Variants in MYH7 observed in about 807,000 individuals in gnomAD.
MYH7 encodes the protein myosin heavy chain 7.
In MYH7, 129 loss-of-function variants were observed where a neutral mutation model predicts 225.4. That is an observed-to-expected ratio of 0.57 (90% confidence interval 0.50 to 0.66). MYH7 has a LOEUF of 0.66. Among genes scored for constraint, MYH7 ranks in the 30% least tolerant of loss-of-function variants. MYH7 has a pLI of 0.00. For synonymous variants in MYH7, 971 were observed against 1,007.6 expected (o/e 0.96, Z 0.69); for missense variants, 1,649 against 2,517.0 (o/e 0.66, Z 7.38).
rs928434419 is a variant in MYH7 at position 23,425,455 on chromosome 14, G to C, written c.2287-37C>G. ...GTGTGTGTTGGCCATGACTAGGGAG[G>C]GGTACGAGGGAAAGAGATGGTGGGG... On this transcript the variant is annotated intron_variant, in intron 20 of 39. Transcript: ENST00000355349. This position sits in a 1 kb window ranked among gnomAD's most constrained non-coding sequence, Gnocchi z 4.6. 54 of 1,613,812 alleles carry C rather than the reference G, an allele frequency of 3.3e-5. No homozygotes were observed. The highest frequency in any genetic ancestry group is 4.3e-5 in the Non-Finnish European group (51 of 1,180,030).
Position 23,416,966 on chromosome 14 carries a change from A to G in MYH7, c.4546T>C (p.Leu1516=). ...TGGATAGTCTTTCCGCTGGAACCCA[A>G]CTGCTCAGTCAAGTCGGAGATCTCC... ...QEEISDLTEQ[L]GSSGKTIHEL... is the part of the protein sequence containing the mutation. The change falls in exon 33 of 40, where the codon TTG becomes CTG. Residue 1516 remains leucine, a synonymous_variant. Coordinates refer to ENST00000355349, the MANE Select transcript of MYH7 (RefSeq NM_000257.4). 1 of 1,614,162 alleles carries G rather than the reference A, an allele frequency of 6.2e-7. No individual in the cohort carries two copies. The highest frequency in any genetic ancestry group is 2.2e-5 in the East Asian group (1 of 44,884).
In MYH7 at chr14:23,422,586, TCTTTCTTTCTCTC is replaced by T. The variant is rs534442434; in HGVS notation, c.3100-274_3100-262del. On this transcript the variant is annotated intron_variant, in intron 24 of 39. Transcript: ENST00000355349. ...CTTTCTTTCTTTCCCTTTCTTTCTT[TCTTTCTTTCTCTC>T]CTTTCTTTCTCTCCTTCCTTCCTTC... Among the ~76,000 whole-genome samples, 18,642 of 148,264 alleles carry T rather than the reference TCTTTCTTTCTCTC, an allele frequency of 0.13. 1,817 individuals are homozygous for T. The highest frequency in any genetic ancestry group is 0.28 in the African/African-American group (10,774 of 38,808).
At chr14:23,422,925 G>A (rs2138660865) in intron 24 of MYH7, among the ~76,000 whole-genome samples, 1 of 152,298 alleles carries the variant, frequency 6.6e-6, no homozygotes, top group Non-Finnish European at 1.5e-5. Context: ...CACCGCGGCT[G>A]GCCGCCGTAT....
At chr14:23,421,660 A>T (rs924918689) in intron 25 of MYH7, 8 of 759,922 alleles carry the variant, frequency 1.1e-5, no homozygotes, top group Non-Finnish European at 1.1e-5. Flanking sequence ...ATGTTCTGCA[A>T]GCTCACTGTT....
In MYH7 at chr14:23,433,205, T is replaced by C. The variant is rs749687044; in HGVS notation, c.224A>G (p.Gln75Arg). 1 of 1,614,166 alleles carries C rather than the reference T, an allele frequency of 6.2e-7. No individual in the cohort carries two copies. The highest frequency in any genetic ancestry group is 8.5e-7 in the Non-Finnish European group (1 of 1,180,020). Residue 75 changes from glutamine to arginine, a missense_variant, in exon 4 of 40, where the codon CAG becomes CGG. By Grantham distance (43) the Gln-to-Arg change is conservative (BLOSUM62 1). Around this residue, in one of 12 missense-constraint regions of MYH7, gnomAD observed 91 missense variants for 96.5 expected, o/e 0.94. Coordinates refer to ENST00000355349, the MANE Select transcript of MYH7 (RefSeq NM_000257.4). This position sits in a 1 kb window ranked among gnomAD's most constrained non-coding sequence, Gnocchi z 4.1. ...YGKTVTVKEDQVMQQNPPKFD... is the reference protein window; with the variant it reads ...YGKTVTVKEDRVMQQNPPKFD... ...CTTGGGTGGGTTCTGCTGCATCACC[T>C]GGTCCTCCTTCACGGTCACTGTCTG...
intron 29 of MYH7, 41 bp from the exon 30 acceptor site, chr14:23,418,447 C>G: frequency 6.4e-7 from 1 of 1,567,686 alleles, no homozygotes; most frequent in Non-Finnish European, 8.6e-7. Context: ...TCAGCTTTCT[C>G]CATAAAGCAA....
chr14:23,425,339 T>C lies in MYH7; in HGVS notation c.2366A>G (p.Gln789Arg). 6.2e-7 allele frequency: 1 copy of C among 1,614,208 alleles called. No homozygotes were observed. The highest frequency in any genetic ancestry group is 8.5e-7 in the Non-Finnish European group (1 of 1,180,042). Residue 789 changes from glutamine (Q) to arginine (R), a missense_variant, in exon 21 of 40, where the codon CAG (glutamine) becomes CGG (arginine). By Grantham distance (43) the Gln-to-Arg change is conservative (BLOSUM62 1). This residue lies in a region of MYH7 where 36 missense variants were observed against 43.2 expected (regional missense o/e 0.83). Transcript: ENST00000355349. This position sits in a 1 kb window ranked among gnomAD's most constrained non-coding sequence, Gnocchi z 4.6. ...GGCGAGCACACCTCGGGACTGGGCCTGGATACGCGTGATGATGCGGCTCAG... is the reference window on the plus strand; with the variant it reads ...GGCGAGCACACCTCGGGACTGGGCCCGGATACGCGTGATGATGCGGCTCAG... ...ERLSRIITRI[Q>R]AQSRGVLARM...
intron 39 of MYH7, 147 bp downstream of exon 39, chr14:23,413,612 C>A: frequency 2.0e-5 from 19 of 934,658 alleles, no homozygotes; most frequent in Non-Finnish European, 2.7e-5. Context: ...TCCTTGAAAT[C>A]ACAGAGAACT....
Position 23,433,765 on chromosome 14 carries a change from C to T in MYH7, c.-8-25G>A, listed in dbSNP as rs3729992. The T allele has an allele frequency of 1.2e-6, 2 of 1,610,142 alleles. No individual in the cohort carries two copies. Among genetic ancestry groups the T allele is most frequent in the African/African-American group, 1.3e-5 (1 of 74,874 alleles). ...CCTGGAGTGAGCAGAAGCTGGCTGC[C>T]CTCCCATCTGCCCATTCTTCCCTTC... On this transcript the variant is annotated intron_variant, in intron 2 of 39. Coordinates refer to ENST00000355349, the MANE Select transcript of MYH7 (RefSeq NM_000257.4). This position sits in a 1 kb window ranked among gnomAD's most constrained non-coding sequence, Gnocchi z 4.1.
intron 22 of MYH7, among the ~76,000 whole-genome samples, chr14:23,424,488 G>A (rs1336810154): frequency 1.3e-5 from 2 of 152,220 alleles, no homozygotes; most frequent in Non-Finnish European, 2.9e-5. Context: ...AGAGGAAATT[G>A]AGGCTCAAAG....
Position 23,414,023 on chromosome 14 carries a change from C to A in MYH7, c.5639G>T (p.Arg1880Leu). The change falls in exon 38 of 40, where the codon CGC (arginine) becomes CTC (leucine). Residue 1880 changes from arginine to leucine, a missense_variant. Around this residue, in one of 12 missense-constraint regions of MYH7, gnomAD observed 687 missense variants for 913.8 expected, o/e 0.75. Transcript: ENST00000355349. ...KLQLKVKAYK[R>L]QAEEAEEQAN... ...GTCACTCACCGCCTCCTCGGCCTGG[C>A]GCTTGTAGGCCTTGACCTTTAGCTG... The A allele has an allele frequency of 3.1e-6, 5 of 1,614,110 alleles. No homozygotes were observed. The highest frequency in any genetic ancestry group is 4.2e-6 in the Non-Finnish European group (5 of 1,180,038).
Position 23,416,844 on chromosome 14 carries a change from C to A in MYH7, c.4644+24G>T, listed in dbSNP as rs3729826. 5,040 of 1,613,998 alleles carry A rather than the reference C, an allele frequency of 3.1e-3. 9 individuals are homozygous for A. The highest frequency in any genetic ancestry group is 6.5e-3 in the Middle Eastern group (39 of 6,018). On this transcript the variant is annotated intron_variant, in intron 33 of 39. Transcript: ENST00000355349. Reference sequence around the variant, plus strand: ...AAGCCTGGAGCTCAGCTCCCTGCACCCCGTGCCCTGCACACACACACACCT... The same window carrying A: ...AAGCCTGGAGCTCAGCTCCCTGCACACCGTGCCCTGCACACACACACACCT...
At chr14:23,416,738 T>C in intron 33 of MYH7, 130 bp downstream of exon 33, 1 of 1,433,328 alleles carries the variant, frequency 7.0e-7, no homozygotes, top group Non-Finnish European at 9.7e-7. Flanking sequence ...GAATGCCTAC[T>C]ATGTGCCAGG....
chr14:23,425,022 T>C lies in MYH7; in HGVS notation c.2426A>G (p.Asp809Gly). 6.2e-7 allele frequency: 1 copy of C among 1,614,054 alleles called. No homozygotes were observed. The highest frequency in any genetic ancestry group is 8.5e-7 in the Non-Finnish European group (1 of 1,180,010). The change falls in exon 22 of 40, where the codon GAC becomes GGC. Residue 809 changes from aspartate to glycine, a missense_variant and splice_region_variant. This residue lies in a region of MYH7 where 36 missense variants were observed against 43.2 expected (regional missense o/e 0.83). Coordinates refer to ENST00000355349, the MANE Select transcript of MYH7 (RefSeq NM_000257.4). The surrounding 1 kb of genome is among the most constrained non-coding windows in gnomAD (Gnocchi z 4.6). ...GTTCCACTGGATTACCAGCAGGGAG[T>C]CTCTGCAGGGGCCCATTGAAAGGAG... ...MEYKKLLERRDSLLVIQWNIR... is the reference protein window; with the variant it reads ...MEYKKLLERRGSLLVIQWNIR...
At chr14:23,419,401 T>C in intron 28 of MYH7, 82 bp downstream of exon 28, 20 of 1,612,530 alleles carry the variant, frequency 1.2e-5, no homozygotes, top group Non-Finnish European at 1.4e-5. Flanking sequence ...TGTGCGTGTA[T>C]TGGCTTGTGC....
intron 9 of MYH7, 146 bp from the exon 10 acceptor site, chr14:23,431,145 A>T (rs1892918838): frequency 1.4e-6 from 1 of 725,344 alleles, no homozygotes; most frequent in Non-Finnish European, 2.4e-6. Context: ...GATCACACAG[A>T]GAGATGGAAA....
At position 23,425,224 on chromosome 14, in the gene MYH7, G is replaced by T; in HGVS notation, c.2423+58C>A. 2.0e-5 allele frequency: 33 copies of T among 1,613,696 alleles called. No individual in the cohort carries two copies. Among genetic ancestry groups the T allele is most frequent in the Non-Finnish European group, 2.8e-5 (33 of 1,179,810 alleles). Reference sequence around the variant, plus strand: ...CTGCTGAGCTTTTTTTCCTGACACTGCCCCTGAACCAGCCTGGGCCTCAGA... The same window carrying T: ...CTGCTGAGCTTTTTTTCCTGACACTTCCCCTGAACCAGCCTGGGCCTCAGA... On this transcript the variant is annotated intron_variant, in intron 21 of 39. Coordinates refer to ENST00000355349, the MANE Select transcript of MYH7 (RefSeq NM_000257.4). The surrounding 1 kb of genome is among the most constrained non-coding windows in gnomAD (Gnocchi z 4.6).
intron 22 of MYH7, among the ~76,000 whole-genome samples, chr14:23,424,430 C>A (rs570382531): frequency 1.8e-4 from 27 of 152,190 alleles, no homozygotes; most frequent in Admixed American, 9.8e-4. Context: ...TGATGCCAAG[C>A]ACTTATGTAT....
At position 23,427,589 on chromosome 14, in the gene MYH7, A is replaced by G. The variant is rs772814092; in HGVS notation, c.1884T>C (p.Asp628=). 6.2e-7 allele frequency: 1 copy of G among 1,614,092 alleles called. No homozygotes were observed. Among genetic ancestry groups the G allele is most frequent in the South Asian group, 1.1e-5 (1 of 91,072 alleles). Residue 628 remains aspartate, a synonymous_variant, in exon 16 of 40, where the codon GAT becomes GAC. Transcript: ENST00000355349. ...GGAGCCTCAGTCCCTACTTACGCGC[A>G]TCAGCCCCAGCATAGTTGGCAAACA... The part of the protein sequence containing the change: ...STLFANYAGA[D]APIEKGKGKA...
Sources: allele counts gnomAD v4.1 joint callset (sites outside exome capture counted in the v4.1 genomes callset), GRCh38; gene constraint gnomAD v4.1.1; regional missense constraint gnomAD v4.1.1; non-coding constraint Gnocchi (gnomAD v3.1); transcripts MANE v1.5; gene names NCBI Gene and HGNC (gene_info 2026-07-23, HGNC 2026-07-21).